PDE4A: variants seen among roughly 807,000 people sequenced by gnomAD.
The protein encoded by PDE4A is phosphodiesterase 4A.
In PDE4A, 21 loss-of-function variants were observed where a neutral mutation model predicts 73.9. The ratio of observed to expected loss-of-function variants is 0.28; its 90% CI spans 0.20 to 0.41. PDE4A has a LOEUF of 0.41. PDE4A is among the 10% of genes least tolerant of loss of function. The pLI, the probability that PDE4A is intolerant of heterozygous loss-of-function variation, is 1.00. For missense variants in PDE4A, 958 were observed against 1,211.4 expected (o/e 0.79, Z 3.10); for synonymous variants, 463 against 505.4 (o/e 0.92, Z 1.13).
At chr19:10,436,918 A>G (rs1465575425) in intron 1 of PDE4A, among the ~76,000 whole-genome samples, 1 of 152,142 alleles carries the variant, frequency 6.6e-6, no homozygotes, top group Non-Finnish European at 1.5e-5. Flanking sequence ...GCACACCTGT[A>G]GTCCCAGCTA....
At chr19:10,438,504 G>T (rs1343087432) in intron 1 of PDE4A, among the ~76,000 whole-genome samples, 1 of 152,030 alleles carries the variant, frequency 6.6e-6, no homozygotes, top group South Asian at 2.1e-4. Flanking sequence ...TCTACTTTCT[G>T]TCTCTGAGTT....
intron 7 of PDE4A, among the ~76,000 whole-genome samples, chr19:10,455,308 C>A (rs1187325719): frequency 6.6e-6 from 1 of 151,880 alleles, no homozygotes; most frequent in African/African-American, 2.4e-5. Context: ...ACTAAAAATA[C>A]AAAAAATTAG....
chr19:10,432,015 G>A (rs1378220449), intron 1 of PDE4A, among the ~76,000 whole-genome samples: 1 of 151,798 alleles, frequency 6.6e-6, no homozygotes, highest in African/African-American at 2.4e-5. Context: ...CCGTTTCCCC[G>A]GGGGCGCACG....
intron 1 of PDE4A, chr19:10,430,877 G>C (rs1253956893): frequency 3.7e-6 from 5 of 1,362,290 alleles, no homozygotes; most frequent in East Asian, 3.6e-5. Context: ...GCCGCATCCC[G>C]GAGCTGCAAC....
At chr19:10,454,110 G>A (rs910962738) in intron 6 of PDE4A, among the ~76,000 whole-genome samples, 11 of 152,120 alleles carry the variant, frequency 7.2e-5, no homozygotes, top group South Asian at 2.1e-4. Flanking sequence ...CTCCAAGCCC[G>A]GTTTTGGGTA....
At chr19:10,432,521 C>G in intron 1 of PDE4A, 1 of 1,525,358 alleles carries the variant, frequency 6.6e-7, no homozygotes, top group Non-Finnish European at 8.8e-7. Flanking sequence ...TGACCCACTT[C>G]CCCTTCAGCG....
intron 1 of PDE4A, among the ~76,000 whole-genome samples, chr19:10,440,722 C>T (rs1398998007): frequency 6.6e-6 from 1 of 152,116 alleles, no homozygotes; most frequent in Non-Finnish European, 1.5e-5. Flanking sequence ...TTTTAGCCTC[C>T]CCAGTAGCTG....
chr19:10,456,385 G>C (rs948519520), intron 7 of PDE4A, among the ~76,000 whole-genome samples: 1 of 152,036 alleles, frequency 6.6e-6, no homozygotes, highest in Non-Finnish European at 1.5e-5. Flanking sequence ...AATTAGCTGC[G>C]CGTGTTGGCA....
In PDE4A at chr19:10,450,845, G is replaced by C. The variant is rs754491641; in HGVS notation, c.687G>C (p.Gln229His). The change falls in exon 6 of 15, where the codon CAG becomes CAC. Residue 229 changes from glutamine to histidine, a missense_variant. Coordinates refer to ENST00000380702, the MANE Select transcript of PDE4A (RefSeq NM_001111307.2). The part of the protein sequence containing the change: ...KATLSEETCQ[Q>H]LARETLEELD... ...CTTCCTTAGAAGAAACGTGTCAGCA[G>C]TTGGCCCGGGAGACTCTGGAGGAGC... is the stretch of plus-strand genomic sequence containing the variant. 2 of 1,610,970 alleles carry C rather than the reference G, an allele frequency of 1.2e-6. No individual in the cohort carries two copies. Among genetic ancestry groups the C allele is most frequent in the Non-Finnish European group, 1.7e-6 (2 of 1,178,666 alleles).
intron 7 of PDE4A, among the ~76,000 whole-genome samples, chr19:10,455,200 C>T (rs557710073): frequency 3.3e-5 from 5 of 152,160 alleles, no homozygotes; most frequent in Non-Finnish European, 5.9e-5. Context: ...CGGTGGCTCA[C>T]GCCTGTAATC....
chr19:10,425,233 A>AC (rs1555728000), intron 1 of PDE4A, among the ~76,000 whole-genome samples: 25 of 151,244 alleles, frequency 1.7e-4, no homozygotes, highest in Middle Eastern at 3.2e-3. Flanking sequence ...AAAAAAAAAA[A>AC]CAAAAAACAA....
At chr19:10,448,648 A>C (rs1245311021) in intron 2 of PDE4A, among the ~76,000 whole-genome samples, 1 of 150,532 alleles carries the variant, frequency 6.6e-6, no homozygotes, top group African/African-American at 2.4e-5. Context: ...AAAAAAAAAA[A>C]CACCCAACCA....
chr19:10,441,901 G>A (rs2042944300), intron 1 of PDE4A, among the ~76,000 whole-genome samples: 1 of 151,632 alleles, frequency 6.6e-6, no homozygotes, highest in East Asian at 1.9e-4. Context: ...TGTTGGCCAG[G>A]CTGGTCTCGA....
At position 10,446,300 on chromosome 19, in the gene PDE4A, G is replaced by A. The variant is rs199819767; in HGVS notation, c.403G>A (p.Ala135Thr). The A allele has an allele frequency of 8.1e-6, 13 of 1,611,464 alleles. No homozygotes were observed. In the Admixed American group the frequency reaches 8.4e-5, roughly 10 times the overall value. ...SQASPGLVLH[A>T]GAATSQRRES... ...GGCGAGCCCAGGACTCGTGCTGCACGCCGGGGCGGCCACCAGCCAGCGCCG... is the reference window on the plus strand; with the variant it reads ...GGCGAGCCCAGGACTCGTGCTGCACACCGGGGCGGCCACCAGCCAGCGCCG... Residue 135 changes from alanine to threonine, a missense_variant, in exon 2 of 15, where the codon GCC (alanine) becomes ACC (threonine). Ala to Thr is a moderately conservative substitution (Grantham distance 58). This residue lies in a region of PDE4A where 570 missense variants were observed against 827.7 expected (regional missense o/e 0.69). Coordinates refer to ENST00000380702, the MANE Select transcript of PDE4A (RefSeq NM_001111307.2).
At position 10,463,772 on chromosome 19, in the gene PDE4A, CT is replaced by C; in HGVS notation, c.1744-20del. On this transcript the variant is annotated intron_variant, in intron 13 of 14. Coordinates refer to ENST00000380702, the MANE Select transcript of PDE4A (RefSeq NM_001111307.2). ...ACAGGCATAGCCTCTGAAGTTTCCC[CT>C]GTGCCCCAACCCCATGCAGGTCCTC... The C allele has an allele frequency of 6.2e-7, 1 of 1,612,954 alleles. No individual in the cohort carries two copies. Among genetic ancestry groups the C allele is most frequent in the Non-Finnish European group, 8.5e-7 (1 of 1,179,056 alleles).
chr19:10,425,895 G>A (rs2042710343), intron 1 of PDE4A, among the ~76,000 whole-genome samples: 1 of 147,132 alleles, frequency 6.8e-6, no homozygotes, highest in African/African-American at 2.5e-5. Context: ...GCTGAGGCAG[G>A]AGAATTGGTT....
rs555444533 is a variant in PDE4A, at chr19:10,439,495, G to T, written c.321-6723G>T. On this transcript the variant is annotated intron_variant, in intron 1 of 14. Coordinates refer to ENST00000380702, the MANE Select transcript of PDE4A (RefSeq NM_001111307.2). ...CCGCACCTGGCCTACAAACATTTTT[G>T]ATTGGGGTTACAGTGGTTCTCTCAA... Among the ~76,000 whole-genome samples the T allele has an allele frequency of 2.0e-5, 3 of 152,198 alleles. No homozygotes were observed. The East Asian group carries it at 5.8e-4, about 29-fold the overall frequency.
intron 1 of PDE4A, among the ~76,000 whole-genome samples, chr19:10,442,178 AG>A (rs2042947521): frequency 6.6e-6 from 1 of 152,142 alleles, no homozygotes; most frequent in Non-Finnish European, 1.5e-5. Flanking sequence ...TTTCTAGGTC[AG>A]CCTATAGAGA....
chr19:10,427,985 G>T, intron 1 of PDE4A: 1 of 180,998 alleles, frequency 5.5e-6, no homozygotes, highest in Non-Finnish European at 8.9e-6. Flanking sequence ...GACAGAGTGA[G>T]ACCCTGTCAA....
Sources: allele counts gnomAD v4.1 joint callset (sites outside exome capture counted in the v4.1 genomes callset), GRCh38; gene constraint gnomAD v4.1.1; regional missense constraint gnomAD v4.1.1; transcripts MANE v1.5; gene names NCBI Gene and HGNC (gene_info 2026-07-23, HGNC 2026-07-21).